C8orf34: variants seen among roughly 807,000 people sequenced by gnomAD.
The protein encoded by C8orf34 is uncharacterized protein C8orf34.
C8orf34 carries 65 observed loss-of-function variants against 68.3 expected under a neutral mutation model. That is an observed-to-expected ratio of 0.95 (90% CI 0.78 to 1.17). The LOEUF (loss-of-function observed/expected upper bound fraction) is 1.17. Ranked by LOEUF, C8orf34 falls within the 50% of genes most tolerant of loss-of-function variation. The pLI is 0.00. For missense variants in C8orf34, 664 were observed against 655.4 expected, an observed-to-expected ratio of 1.01 and a Z score of -0.14; for synonymous variants, 244 against 241.2, an observed-to-expected ratio of 1.01 and a Z score of -0.11.
intron 1 of C8orf34, among the ~76,000 whole-genome samples, chr8:68,334,049 C>T (rs1171859361): frequency 6.6e-6 from 1 of 152,126 alleles, no homozygotes; most frequent in Non-Finnish European, 1.5e-5. Flanking sequence ...ATTGAGAATA[C>T]TTGATCCTCT....
chr8:68,670,672 C>T (rs1287471794), intron 8 of C8orf34, among the ~76,000 whole-genome samples: 3 of 152,150 alleles, frequency 2.0e-5, no homozygotes, highest in African/African-American at 7.2e-5. Context: ...CCCCCATTTC[C>T]CTCTCCCTTG....
chr8:68,364,501 C>G (rs1433357419), intron 1 of C8orf34, among the ~76,000 whole-genome samples: 25 of 19,580 alleles, frequency 1.3e-3, no homozygotes, highest in African/African-American at 4.5e-3. Context: ...GGAAGTAAAG[C>G]TCTCCTCAGC....
chr8:68,766,700 T>C (rs541254434), intron 10 of C8orf34, among the ~76,000 whole-genome samples: 4 of 152,220 alleles, frequency 2.6e-5, no homozygotes, highest in Non-Finnish European at 5.9e-5. Flanking sequence ...AAAATTTCAC[T>C]CTAATTTTTT....
At chr8:68,711,872 C>T (rs908891800) in intron 9 of C8orf34, among the ~76,000 whole-genome samples, 1 of 152,040 alleles carries the variant, frequency 6.6e-6, no homozygotes, top group Non-Finnish European at 1.5e-5. Context: ...TCATTACCTG[C>T]ACACATAGTC....
At chr8:68,718,232 C>T (rs573682395) in intron 9 of C8orf34, among the ~76,000 whole-genome samples, 1 of 152,218 alleles carries the variant, frequency 6.6e-6, no homozygotes, top group Admixed American at 6.5e-5. Context: ...TGTTACCCAT[C>T]GTGCCCAATA....
At chr8:68,435,711 A>G (rs1810636110) in intron 1 of C8orf34, among the ~76,000 whole-genome samples, 1 of 152,212 alleles carries the variant, frequency 6.6e-6, no homozygotes, top group South Asian at 2.1e-4. Context: ...CTCAGATCAT[A>G]TGGAGATTCT....
intron 7 of C8orf34, among the ~76,000 whole-genome samples, chr8:68,573,414 G>A (rs139383898): frequency 7.5e-4 from 114 of 152,200 alleles, no homozygotes; most frequent in Admixed American, 1.4e-3. Flanking sequence ...AGAAATATAC[G>A]GAACCAACCC....
chr8:68,526,263 T>C (rs951804142), intron 6 of C8orf34, among the ~76,000 whole-genome samples: 3 of 152,080 alleles, frequency 2.0e-5, no homozygotes, highest in African/African-American at 7.2e-5. Context: ...CTGTTTAAGA[T>C]AAATTTCTTT....
intron 4 of C8orf34, among the ~76,000 whole-genome samples, chr8:68,469,822 C>A (rs988897658): frequency 3.3e-5 from 5 of 151,682 alleles, no homozygotes; most frequent in African/African-American, 9.7e-5. Flanking sequence ...TTACTAATTT[C>A]ATTATTTTTA....
intron 1 of C8orf34, among the ~76,000 whole-genome samples, chr8:68,334,999 CTCCCTGATCATATCTA>C (rs1172059998): frequency 6.6e-6 from 1 of 152,128 alleles, no homozygotes; most frequent in Non-Finnish European, 1.5e-5. Context: ...CTTTATTGAC[CTCCCTGATCATATCTA>C]AAAAATGCTC....
intron 1 of C8orf34, among the ~76,000 whole-genome samples, chr8:68,358,649 A>T (rs1453558925): frequency 8.6e-5 from 13 of 151,706 alleles, no homozygotes; most frequent in Admixed American, 8.6e-4. Flanking sequence ...TACAATTGGC[A>T]ATTTATTCTT....
chr8:68,489,884 A>C (rs1033190884), intron 5 of C8orf34, among the ~76,000 whole-genome samples: 1 of 152,220 alleles, frequency 6.6e-6, no homozygotes, highest in African/African-American at 2.4e-5. Flanking sequence ...CTCACTAAAA[A>C]AATATAATTT....
chr8:68,702,519 T>G (rs1821048683), intron 8 of C8orf34, among the ~76,000 whole-genome samples: 1 of 152,170 alleles, frequency 6.6e-6, no homozygotes, highest in African/African-American at 2.4e-5. Flanking sequence ...AAATGTCTAC[T>G]CTTTAGTTAG....
intron 12 of C8orf34, among the ~76,000 whole-genome samples, chr8:68,810,825 C>A (rs1021029412): frequency 6.6e-6 from 1 of 152,140 alleles, no homozygotes; most frequent in African/African-American, 2.4e-5. Context: ...CGACATTTGA[C>A]CAAGTCTGGC....
chr8:68,421,173 G>A (rs1182417491), intron 1 of C8orf34, among the ~76,000 whole-genome samples: 3 of 152,138 alleles, frequency 2.0e-5, no homozygotes, highest in African/African-American at 7.2e-5. Context: ...AGATGGCATA[G>A]ACTCACTTTC....
Position 68,533,138 on chromosome 8 carries a change from T to C in C8orf34, c.1094T>C (p.Met365Thr), listed in dbSNP as rs1340416994. ...EEDIDNEDDA[M>T]ELLEDLNDLR... ...GATATTGATAATGAAGATGATGCAA[T>C]GGAATTGCTGGGTAATTTTAAAAAT... The change falls in exon 7 of 14, where the codon ATG (methionine) becomes ACG (threonine). Residue 365 changes from methionine (M) to threonine (T), a missense_variant. Transcript: ENST00000518698. The C allele has an allele frequency of 1.3e-6, 2 of 1,573,226 alleles. No individual in the cohort carries two copies. Among genetic ancestry groups the C allele is most frequent in the East Asian group, 2.3e-5 (1 of 44,356 alleles).
In C8orf34 at chr8:68,747,403, G is replaced by A. The variant is rs879735634; in HGVS notation, c.1404+25966G>A. ...TGGCCAGGGCAATTAGGCAGGAGAA[G>A]GAAATAAAGGGTATTCAAATAGGAA... On this transcript the variant is annotated intron_variant, in intron 10 of 13. Coordinates refer to ENST00000518698, the MANE Select transcript of C8orf34 (RefSeq NM_052958.4). Among the ~76,000 whole-genome samples, 853 of 149,568 alleles carry A rather than the reference G, an allele frequency of 5.7e-3. 8 individuals carry two copies. Among genetic ancestry groups the A allele is most frequent in the African/African-American group, 0.02 (808 of 40,346 alleles).
intron 10 of C8orf34, among the ~76,000 whole-genome samples, chr8:68,724,886 A>G (rs1821783438): frequency 6.6e-6 from 1 of 152,108 alleles, no homozygotes; most frequent in Non-Finnish European, 1.5e-5. Flanking sequence ...TTTGAGACAG[A>G]GTCTAGCTCT....
chr8:68,494,690 AC>A (rs1813449587), intron 5 of C8orf34, among the ~76,000 whole-genome samples: 2 of 152,078 alleles, frequency 1.3e-5, no homozygotes, highest in South Asian at 4.1e-4. Context: ...CCCTGTATCT[AC>A]TAAAAATACA....
Sources: gnomAD v4.1 joint callset for allele counts (sites outside exome capture counted in the v4.1 genomes callset) on GRCh38, gnomAD v4.1.1 for gene constraint, MANE v1.5 for transcripts, NCBI Gene and HGNC (gene_info 2026-07-23, HGNC 2026-07-21) for gene names.